Variants in MUS81 observed in about 807,000 individuals in gnomAD.
The protein encoded by MUS81 is MUS81 structure-specific endonuclease subunit.
A neutral mutation model predicts 74.2 loss-of-function variants in MUS81; 69 were observed. The observed-to-expected ratio is 0.93, with a 90% confidence interval of 0.77 to 1.14. The LOEUF (loss-of-function observed/expected upper bound fraction) is 1.14. MUS81 is among the 50% of genes most tolerant of loss of function. MUS81 has a pLI of 0.00. For synonymous variants in MUS81, 303 were observed against 300.6 expected (o/e 1.01, Z -0.08); for missense variants, 711 against 726.5 (o/e 0.98, Z 0.25).
downstream of MUS81, chr11:65,866,621 G>A (rs957290215): frequency 1.1e-5 from 8 of 702,936 alleles, no homozygotes; most frequent in Non-Finnish European, 2.1e-5. Flanking sequence ...CCGGGGCCTG[G>A]AGTCCGCCCT....
chr11:65,863,285 A>C (rs1591057885), intron 7 of MUS81, 80 bp downstream of exon 7: 1 of 1,577,846 alleles, frequency 6.3e-7, no homozygotes, highest in Non-Finnish European at 8.6e-7. Flanking sequence ...CCAACCCATC[A>C]CCTGCAGCTG....
At chr11:65,861,723 G>A in intron 3 of MUS81, 1 of 608,122 alleles carries the variant, frequency 1.6e-6, no homozygotes, top group Non-Finnish European at 2.9e-6. Flanking sequence ...GCAGCGCATG[G>A]TAGAAGTGAG....
intron 4 of MUS81, 76 bp downstream of exon 4, chr11:65,862,121 A>G (rs1362156107): frequency 6.3e-7 from 1 of 1,580,588 alleles, no homozygotes; most frequent in East Asian, 2.2e-5. Context: ...TGGCCCAGGC[A>G]GGGCAGGCAA....
chr11:65,866,795 G>T, downstream of MUS81: 1 of 1,286,946 alleles, frequency 7.8e-7, no homozygotes, highest in Non-Finnish European at 1.1e-6. Context: ...GCTTCCTGCA[G>T]TGTGACCCGC....
downstream of MUS81, chr11:65,866,820 AG>A: frequency 6.7e-7 from 1 of 1,487,832 alleles, no homozygotes; most frequent in Non-Finnish European, 9.2e-7. Context: ...CTCAGCCACC[AG>A]GACTTTCTTT....
At chr11:65,867,415 A>G (rs2134745644), downstream of MUS81, 1 of 453,446 alleles carries the variant, frequency 2.2e-6, no homozygotes, top group East Asian at 4.4e-5. Flanking sequence ...AGAGCATTCA[A>G]TTTCAAAAAG....
intron 6 of MUS81, 46 bp from the exon 7 acceptor site, chr11:65,863,019 G>T: frequency 6.2e-7 from 1 of 1,612,598 alleles, no homozygotes; most frequent in Non-Finnish European, 8.5e-7. Flanking sequence ...AGCCTGCCAG[G>T]AATGAGTGAA....
intron 6 of MUS81, 139 bp from the exon 7 acceptor site, chr11:65,862,926 C>A: frequency 1.9e-6 from 2 of 1,047,154 alleles, no homozygotes; most frequent in Non-Finnish European, 2.9e-6. Context: ...CCAAGAAGAC[C>A]AGGAGGAGCA....
rs1369342485 is a variant in MUS81, at chr11:65,865,111, T to G, written c.1367T>G (p.Phe456Cys). The G allele has an allele frequency of 1.2e-6, 2 of 1,614,026 alleles. No homozygotes were observed. The highest frequency in any genetic ancestry group is 1.7e-6 in the Non-Finnish European group (2 of 1,180,028). ...AACCCTCTCTGCTCACTCCTCACCT[T>G]CAGTGACTTCAACGCAGGAGCCATC... is the stretch of plus-strand genomic sequence containing the variant. ...SPNPLCSLLT[F>C]SDFNAGAIKN... Residue 456 changes from phenylalanine (F) to cysteine (C), a missense_variant, in exon 13 of 16, where the codon TTC (phenylalanine) becomes TGC (cysteine). Coordinates refer to ENST00000308110, the MANE Select transcript of MUS81 (RefSeq NM_025128.5).
At chr11:65,866,872 C>T (rs769542611), downstream of MUS81, 1 of 1,611,034 alleles carries the variant, frequency 6.2e-7, no homozygotes, top group Non-Finnish European at 8.5e-7. Flanking sequence ...TCACAACAGG[C>T]TCCTCAGCTA....
chr11:65,864,888 C>A, intron 12 of MUS81, 73 bp downstream of exon 12: 5 of 1,577,866 alleles, frequency 3.2e-6, no homozygotes, highest in Non-Finnish European at 4.3e-6. Flanking sequence ...CCCTGTGCAT[C>A]CCCAAAAGAA....
rs572823184 is a variant in MUS81 at position 65,866,138 on chromosome 11, T to C, written c.*86T>C. 7.5e-7 allele frequency: 1 copy of C among 1,333,664 alleles called. No homozygotes were observed. Among genetic ancestry groups the C allele is most frequent in the South Asian group, 1.3e-5 (1 of 75,144 alleles). The allele number at this position is 1,333,664 out of a possible 1,614,324, so 82.6% of individuals were successfully genotyped here. On this transcript the variant is annotated 3_prime_UTR_variant, in exon 16 of 16. Coordinates refer to ENST00000308110, the MANE Select transcript of MUS81 (RefSeq NM_025128.5). The stretch of plus-strand genomic sequence containing the variant: ...TTTAACAACATCTTTTGGGGTACAA[T>C]TAGAATCTAAGTGTTTGCAGCCATA...
chr11:65,862,064 C>T lies in MUS81; in HGVS notation c.450+19C>T, dbSNP rs761306237. 132 of 1,603,686 alleles carry T rather than the reference C, an allele frequency of 8.2e-5. No individual in the cohort carries two copies. In the East Asian group the frequency reaches 2.0e-3, roughly 24 times the overall value. On this transcript the variant is annotated intron_variant, in intron 4 of 15. Transcript: ENST00000308110. ...GCACCTGGTGAGCACTGGGCTACAC[C>T]GGGAGGCGGAACCATGGCAGTGGGG...
At position 65,860,716 on chromosome 11, in the gene MUS81, C is replaced by T. The variant is rs750463005; in HGVS notation, c.-38C>T. The T allele has an allele frequency of 8.5e-6, 13 of 1,532,688 alleles. No individual in the cohort carries two copies. The highest frequency in any genetic ancestry group is 1.1e-5 in the Non-Finnish European group (13 of 1,145,676). 94.9% of individuals were successfully genotyped at this position (1,532,688 alleles called of 1,614,324 possible). ...TCCAGAACTGGCGGCGTCCCAGTCCCGCGGGCGTGGAGCGCCGGAGGACCC... is the reference window on the plus strand; with the variant it reads ...TCCAGAACTGGCGGCGTCCCAGTCCTGCGGGCGTGGAGCGCCGGAGGACCC... On this transcript the variant is annotated 5_prime_UTR_variant, in exon 1 of 16. Coordinates refer to ENST00000308110, the MANE Select transcript of MUS81 (RefSeq NM_025128.5).
rs748787880 is a variant in MUS81 at position 65,862,039 on chromosome 11, G to A, written c.444G>A (p.Glu148=). ...TGATACTGCTGGTGCTCTACCGGGA[G>A]CACCTGGTGAGCACTGGGCTACACC... The part of the protein sequence containing the change: ...ARVILLVLYR[E]HLNPNGHHFL... The change falls in exon 4 of 16, where the codon GAG becomes GAA. Residue 148 remains glutamate (E), a synonymous_variant. Transcript: ENST00000308110. 1.9e-6 allele frequency: 3 copies of A among 1,608,280 alleles called. No homozygotes were observed. The African/African-American group carries it at 4.0e-5, about 21-fold the overall frequency.
chr11:65,865,965 T>A (rs1363250331), intron 15 of MUS81, 21 bp from the exon 16 acceptor site: 2 of 1,613,764 alleles, frequency 1.2e-6, no homozygotes, highest in South Asian at 2.2e-5. Context: ...GGCGTGACCC[T>A]CGCTGCCTCT....
chr11:65,867,161 C>T (rs917603325), downstream of MUS81: 123 of 1,573,680 alleles, frequency 7.8e-5, no homozygotes, highest in Non-Finnish European at 9.7e-5. Flanking sequence ...CTCCCTGCCC[C>T]GTGGCCGTGA....
downstream of MUS81, chr11:65,866,502 A>T (rs749515927): frequency 8.5e-6 from 6 of 702,658 alleles, no homozygotes; most frequent in South Asian, 3.0e-5. Context: ...GGGCTTATCC[A>T]AATGTACAGT....
At chr11:65,864,404 G>C in intron 10 of MUS81, 93 bp from the exon 11 acceptor site, 2 of 1,159,756 alleles carry the variant, frequency 1.7e-6, no homozygotes, top group Middle Eastern at 2.2e-4. Flanking sequence ...GTGGGAACAG[G>C]GTCCCGGCAC....
Sources: gnomAD v4.1 joint callset for allele counts on GRCh38, gnomAD v4.1.1 for gene constraint, MANE v1.5 for transcripts, NCBI Gene and HGNC (gene_info 2026-07-23, HGNC 2026-07-21) for gene names.